The following CELF4 variants were observed in gnomAD, a reference collection of about 807,000 sequenced individuals.
The protein encoded by CELF4 is CUGBP Elav-like family member 4, also known as CUG-BP- and ETR-3-like factor 4.
Under a neutral mutation model 59.9 loss-of-function variants are expected in CELF4, and 18 were observed. The observed-to-expected ratio is 0.30, with a 90% confidence interval of 0.21 to 0.45. The LOEUF (loss-of-function observed/expected upper bound fraction) is 0.45. Among genes scored for constraint, CELF4 ranks in the 20% least tolerant of loss-of-function variants. The pLI, the probability that CELF4 is intolerant of heterozygous loss-of-function variation, is 1.00. For synonymous variants in CELF4, 261 were observed against 267.1 expected, an observed-to-expected ratio of 0.98 and a Z score of 0.22; for missense variants, 456 against 689.0, an observed-to-expected ratio of 0.66 and a Z score of 3.79.
intron 2 of CELF4, among the ~76,000 whole-genome samples, chr18:37,427,415 C>T (rs896194052): frequency 6.6e-6 from 1 of 152,172 alleles, no homozygotes; most frequent in African/African-American, 2.4e-5. Context: ...GGGATTTGCT[C>T]TGTGGACTGT....
At chr18:37,443,352 G>A (rs2099738529) in intron 2 of CELF4, among the ~76,000 whole-genome samples, 1 of 151,944 alleles carries the variant, frequency 6.6e-6, no homozygotes, top group Non-Finnish European at 1.5e-5. Flanking sequence ...GTGGGGGGAG[G>A]GTCTCCCAAC....
intron 2 of CELF4, among the ~76,000 whole-genome samples, chr18:37,394,958 C>T (rs1467586261): frequency 7.2e-6 from 1 of 139,146 alleles, no homozygotes; most frequent in African/African-American, 2.6e-5. Flanking sequence ...CCCCACCCCC[C>T]ACCCGGCCTC....
chr18:37,434,126 C>T (rs1372221033), intron 2 of CELF4, among the ~76,000 whole-genome samples: 1 of 152,150 alleles, frequency 6.6e-6, no homozygotes, highest in East Asian at 1.9e-4. Context: ...GGAAGCTGCA[C>T]ATAAACTCTG....
At chr18:37,262,613 T>C (rs923651200) in intron 10 of CELF4, among the ~76,000 whole-genome samples, 1 of 152,046 alleles carries the variant, frequency 6.6e-6, no homozygotes, top group Non-Finnish European at 1.5e-5. Flanking sequence ...GGGCAGGATT[T>C]AGAGACCCCT....
chr18:37,348,641 C>T (rs965249354), intron 2 of CELF4, among the ~76,000 whole-genome samples: 2 of 152,064 alleles, frequency 1.3e-5, no homozygotes, highest in Admixed American at 1.3e-4. Flanking sequence ...GAGCAAAATT[C>T]CCTCCTCCTG....
At chr18:37,416,927 G>A (rs1313585386) in intron 2 of CELF4, among the ~76,000 whole-genome samples, 1 of 151,892 alleles carries the variant, frequency 6.6e-6, no homozygotes, top group Non-Finnish European at 1.5e-5. Flanking sequence ...GTGAGGGCAA[G>A]GGAAGTAGAC....
At chr18:37,340,732 G>A (rs1055802141) in intron 2 of CELF4, among the ~76,000 whole-genome samples, 8 of 152,158 alleles carry the variant, frequency 5.3e-5, no homozygotes, top group Non-Finnish European at 8.8e-5. Flanking sequence ...TTTGAAGAAC[G>A]TGTCCATGCT....
At chr18:37,493,985 TG>T (rs907718096) in intron 1 of CELF4, among the ~76,000 whole-genome samples, 1 of 152,174 alleles carries the variant, frequency 6.6e-6, no homozygotes, top group Non-Finnish European at 1.5e-5. Context: ...TGCACAGAGC[TG>T]GGGTGGTCCA....
rs147749271 is a variant in CELF4 at position 37,354,786 on chromosome 18, C to T, written c.370-32905G>A. Among the ~76,000 whole-genome samples the T allele has an allele frequency of 3.7e-3, 567 of 152,272 alleles. 5 individuals carry two copies. The highest frequency in any genetic ancestry group is 0.013 in the African/African-American group (534 of 41,576). On this transcript the variant is annotated intron_variant, in intron 2 of 12. Coordinates refer to ENST00000420428, the MANE Select transcript of CELF4 (RefSeq NM_020180.4). ...TGCCTTCTCTCCAGCCTTCCTGCCC[C>T]GCAAGGAGCCATTGATGAACCTGTT...
intron 4 of CELF4, 56 bp downstream of exon 4, chr18:37,275,059 C>G: frequency 2.5e-6 from 4 of 1,596,044 alleles, no homozygotes; most frequent in Non-Finnish European, 3.4e-6. Flanking sequence ...GCCCTCTGGT[C>G]TCCCTCCGCC....
At chr18:37,384,352 C>T (rs1268973846) in intron 2 of CELF4, among the ~76,000 whole-genome samples, 1 of 152,038 alleles carries the variant, frequency 6.6e-6, no homozygotes, top group Admixed American at 6.5e-5. Flanking sequence ...GTCTTCAGGC[C>T]GGCCTCCGCT....
chr18:37,540,644 G>A (rs2099977159), intron 1 of CELF4, among the ~76,000 whole-genome samples: 1 of 152,198 alleles, frequency 6.6e-6, no homozygotes, highest in African/African-American at 2.4e-5. Flanking sequence ...GAATCTGGCT[G>A]ACTCACCCCT....
chr18:37,561,199 G>T (rs1284593098), intron 1 of CELF4, among the ~76,000 whole-genome samples: 1 of 152,186 alleles, frequency 6.6e-6, no homozygotes, highest in Non-Finnish European at 1.5e-5. Flanking sequence ...CAGGCTGCCG[G>T]TAAAGTAGAT....
Position 37,404,005 on chromosome 18 carries a change from C to G in CELF4, c.369+81520G>C, listed in dbSNP as rs1015460829. ...TGAGGCCATCTGTCCAGGAGGCACT[C>G]AGGGTGCTTTACAGTCAGCATCTTC... On this transcript the variant is annotated intron_variant, in intron 2 of 12. Transcript: ENST00000420428. 3.9e-5 allele frequency among the ~76,000 whole-genome samples: 6 copies of G among 152,196 alleles called. No homozygotes were observed. In the South Asian group the frequency reaches 1.2e-3, roughly 32 times the overall value.
intron 2 of CELF4, among the ~76,000 whole-genome samples, chr18:37,351,560 T>C (rs2098441097): frequency 6.6e-6 from 1 of 152,096 alleles, no homozygotes; most frequent in South Asian, 2.1e-4. Context: ...TGAGCCAGTG[T>C]CCAGAAACAC....
intron 1 of CELF4, among the ~76,000 whole-genome samples, chr18:37,516,391 T>C (rs1359027069): frequency 6.6e-6 from 1 of 152,152 alleles, no homozygotes; most frequent in East Asian, 1.9e-4. Flanking sequence ...CTAGCTCTAG[T>C]CCTCACTAAC....
intron 2 of CELF4, among the ~76,000 whole-genome samples, chr18:37,432,057 C>T (rs142660321): frequency 6.6e-6 from 1 of 152,358 alleles, no homozygotes; most frequent in South Asian, 2.1e-4. Context: ...TGGGCCTGAG[C>T]TGGGAGGCTG....
intron 2 of CELF4, among the ~76,000 whole-genome samples, chr18:37,412,051 C>T (rs1210320123): frequency 1.3e-5 from 2 of 152,264 alleles, no homozygotes; most frequent in African/African-American, 4.8e-5. Flanking sequence ...TTCCCTCCTT[C>T]ATGCTGGGGG....
intron 2 of CELF4, among the ~76,000 whole-genome samples, chr18:37,332,313 C>T (rs531105072): frequency 1.3e-5 from 2 of 152,290 alleles, no homozygotes; most frequent in Non-Finnish European, 2.9e-5. Context: ...GCAGTGGTCT[C>T]GGTCCAGGTG....
Sources: gnomAD v4.1 joint callset for allele counts (sites outside exome capture counted in the v4.1 genomes callset) on GRCh38, gnomAD v4.1.1 for gene constraint, MANE v1.5 for transcripts, NCBI Gene and HGNC (gene_info 2026-07-23, HGNC 2026-07-21) for gene names.